Variants in GADL1 observed in about 807,000 individuals in gnomAD.
GADL1 encodes GAD like acidic amino acid decarboxylase 1.
In GADL1, 71 loss-of-function variants were observed where a neutral mutation model predicts 69.5. The observed-to-expected ratio is 1.02, with a 90% CI of 0.84 to 1.25. GADL1 has a LOEUF of 1.25. GADL1 is among the 50% of genes most tolerant of loss of function. The pLI, the probability that GADL1 is intolerant of heterozygous loss-of-function variation, is 0.00. For synonymous variants in GADL1, 254 were observed against 214.4 expected (o/e 1.18, Z -1.62); for missense variants, 737 against 631.8 (o/e 1.17, Z -1.79).
At chr3:30,892,999 C>T (rs533796496) in intron 1 of GADL1, among the ~76,000 whole-genome samples, 1 of 152,132 alleles carries the variant, frequency 6.6e-6, no homozygotes. Flanking sequence ...GGATTACAGG[C>T]ACCCACCAGC....
intron 14 of GADL1, among the ~76,000 whole-genome samples, chr3:30,746,114 G>A (rs989433298): frequency 4.0e-5 from 6 of 151,808 alleles, no homozygotes; most frequent in African/African-American, 9.7e-5. Context: ...TCAGCCTCCC[G>A]AGTAGCTGGG....
intron 1 of GADL1, 32 bp downstream of exon 1, chr3:30,894,546 G>A (rs1416575391): frequency 3.9e-6 from 6 of 1,540,086 alleles, no homozygotes; most frequent in Non-Finnish European, 4.4e-6. Flanking sequence ...GGGAGGTTAA[G>A]GACAAAAACC....
intron 11 of GADL1, among the ~76,000 whole-genome samples, chr3:30,809,672 T>G (rs1697317450): frequency 1.3e-5 from 2 of 152,212 alleles, no homozygotes; most frequent in African/African-American, 4.8e-5. Context: ...TTCTGGAAGA[T>G]GTTTTGTACA....
Position 30,854,708 on chromosome 3 carries a change from T to C in GADL1, c.419A>G (p.Asn140Ser). 1 of 1,545,368 alleles carries C rather than the reference T, an allele frequency of 6.5e-7. No homozygotes were observed. Reference sequence around the variant, plus strand: ...ATAGCATGGCACTTACACACTTGGATTCAATGCTTCGGTCATAAATCGGGC... The same window carrying C: ...ATAGCATGGCACTTACACACTTGGACTCAATGCTTCGGTCATAAATCGGGC... ...LVARFMTEAL[N>S]PSVYTYEVSP... Residue 140 changes from asparagine (N) to serine (S), a missense_variant, in exon 4 of 15, where the codon AAT (asparagine) becomes AGT (serine). Asn to Ser is a conservative substitution (Grantham distance 46). Transcript: ENST00000282538.
intron 1 of GADL1, among the ~76,000 whole-genome samples, chr3:30,889,893 A>G (rs184216891): frequency 3.3e-5 from 5 of 152,194 alleles, no homozygotes; most frequent in Admixed American, 3.3e-4. Context: ...TAAGAATCAG[A>G]AATATAATCA....
intron 12 of GADL1, among the ~76,000 whole-genome samples, chr3:30,797,144 G>A (rs60319480): frequency 0.064 from 9,744 of 152,148 alleles, 862 homozygotes; most frequent in African/African-American, 0.2. Flanking sequence ...CTTCTGTCAT[G>A]GCCATCTCAA....
At chr3:30,834,660 G>A (rs1320904547) in intron 9 of GADL1, among the ~76,000 whole-genome samples, 2 of 152,058 alleles carry the variant, frequency 1.3e-5, no homozygotes, top group Non-Finnish European at 2.9e-5. Flanking sequence ...CATGGGCTAA[G>A]GACTAGTATT....
chr3:30,737,142 C>A (rs780180448), intron 14 of GADL1, among the ~76,000 whole-genome samples: 1 of 152,032 alleles, frequency 6.6e-6, no homozygotes. Flanking sequence ...GAATTTCAGT[C>A]GAATAAGCCT....
At chr3:30,795,823 T>C (rs1220499635) in intron 12 of GADL1, among the ~76,000 whole-genome samples, 1 of 152,160 alleles carries the variant, frequency 6.6e-6, no homozygotes, top group Non-Finnish European at 1.5e-5. Flanking sequence ...ACCCCAGGAA[T>C]AGACTGTTGG....
intron 12 of GADL1, 152 bp downstream of exon 12, chr3:30,800,737 T>C (rs34076805): frequency 0.47 from 310,096 of 664,332 alleles, 78,938 homozygotes; most frequent in Middle Eastern, 0.54. Flanking sequence ...AATGCACAAA[T>C]GAAAACATGT....
chr3:30,739,352 ACTAT>A (rs1278302742), intron 14 of GADL1, among the ~76,000 whole-genome samples: 1 of 151,932 alleles, frequency 6.6e-6, no homozygotes, highest in African/African-American at 2.4e-5. Flanking sequence ...CTCCTGTGTG[ACTAT>A]CTACCTGCCC....
intron 14 of GADL1, among the ~76,000 whole-genome samples, chr3:30,731,964 T>C (rs767373617): frequency 3.5e-4 from 54 of 152,196 alleles, no homozygotes; most frequent in Non-Finnish European, 2.5e-4. Context: ...CAATTTGCAA[T>C]GTCCTCTCAC....
intron 2 of GADL1, among the ~76,000 whole-genome samples, chr3:30,860,678 T>C (rs2125536527): frequency 6.6e-6 from 1 of 152,110 alleles, no homozygotes; most frequent in East Asian, 1.9e-4. Flanking sequence ...CTAACTAATA[T>C]AACTGGAATA....
chr3:30,744,704 A>T (rs536539922), intron 14 of GADL1, among the ~76,000 whole-genome samples: 2 of 152,198 alleles, frequency 1.3e-5, no homozygotes, highest in African/African-American at 4.8e-5. Context: ...ATAGAGTGGC[A>T]CACTGTCTCC....
chr3:30,871,581 C>T (rs1698481995), intron 1 of GADL1, among the ~76,000 whole-genome samples: 1 of 151,848 alleles, frequency 6.6e-6, no homozygotes, highest in Admixed American at 6.6e-5. Flanking sequence ...GAGAAAATCA[C>T]TCTGTGCATC....
At chr3:30,809,610 A>C (rs1175594789) in intron 11 of GADL1, among the ~76,000 whole-genome samples, 1 of 152,120 alleles carries the variant, frequency 6.6e-6, no homozygotes, top group African/African-American at 2.4e-5. Context: ...TCTCCACTCA[A>C]ATCCTCAATT....
rs1483428544 is a variant in GADL1, at chr3:30,844,231, T to C, written c.765A>G (p.Gln255=). The change falls in exon 8 of 15, where the codon CAA becomes CAG. Residue 255 remains glutamine (Q), a synonymous_variant. Transcript: ENST00000282538. The part of the protein sequence containing the change: ...GKMIPEELEK[Q]VWQARKEGAA... ...TCACCTCTTTTCTGGCTTGCCAGACTTGCTTCTCCAGTTCCTCAGGTATCA... is the reference window on the plus strand; with the variant it reads ...TCACCTCTTTTCTGGCTTGCCAGACCTGCTTCTCCAGTTCCTCAGGTATCA... The C allele has an allele frequency of 6.2e-7, 1 of 1,612,876 alleles. No homozygotes were observed. The highest frequency in any genetic ancestry group is 8.5e-7 in the Non-Finnish European group (1 of 1,179,482).
chr3:30,752,172 T>G (rs1043192480), intron 14 of GADL1, among the ~76,000 whole-genome samples: 2 of 144,192 alleles, frequency 1.4e-5, no homozygotes, highest in Admixed American at 1.3e-4. Flanking sequence ...GCGGCTCTGA[T>G]GTAGTGCTGT....
intron 14 of GADL1, among the ~76,000 whole-genome samples, chr3:30,757,936 CTTA>C (rs1413509732): frequency 1.3e-5 from 2 of 152,182 alleles, no homozygotes; most frequent in African/African-American, 4.8e-5. Context: ...GCAGATAACA[CTTA>C]TTGAGCATGT....
Sources: allele counts gnomAD v4.1 joint callset (sites outside exome capture counted in the v4.1 genomes callset), GRCh38; gene constraint gnomAD v4.1.1; transcripts MANE v1.5; gene names NCBI Gene and HGNC (gene_info 2026-07-23, HGNC 2026-07-21).